PFKFB4: variants seen among roughly 807,000 people sequenced by gnomAD.
PFKFB4 encodes the protein 6-phosphofructo-2-kinase/fructose-2,6-bisphosphatase 4.
A neutral mutation model predicts 62.8 loss-of-function variants in PFKFB4; 42 were observed. That is an observed-to-expected ratio of 0.67 (90% CI 0.52 to 0.86). The LOEUF (loss-of-function observed/expected upper bound fraction) is 0.86, where lower values mean the gene tolerates loss of function less well. PFKFB4 is among the 40% of genes least tolerant of loss of function. The probability of loss-of-function intolerance (pLI) is 0.00; values close to 1 mark genes in which losing one functional copy is unlikely to be tolerated. For synonymous variants in PFKFB4, 204 were observed against 240.7 expected (o/e 0.85, Z 1.41); for missense variants, 475 against 627.2 (o/e 0.76, Z 2.59).
In PFKFB4 at chr3:48,549,950, A is replaced by G. The variant is rs774971526; in HGVS notation, c.225T>C (p.Val75=). The change falls in exon 3 of 14, where the codon GTT becomes GTC. Residue 75 remains valine, a synonymous_variant. Transcript: ENST00000232375. The stretch of plus-strand genomic sequence containing the variant: ...TGACCACGTCCCGGCGATACTGGCC[A>G]ACATTGAACTCTGGAGGGAAGGAGA... ...WIGVPTREFN[V]GQYRRDVVKT... 1.3e-5 allele frequency: 21 copies of G among 1,612,656 alleles called. No homozygotes were observed. Among genetic ancestry groups the G allele is most frequent in the Non-Finnish European group, 1.8e-5 (21 of 1,178,636 alleles).
Position 48,521,866 on chromosome 3 carries a change from G to T in PFKFB4, c.1350+120C>A. ...CCCTGCTGATGGGACAACAGTCTTG[G>T]CAGAAGACTCAAGCTCCCTCTGGCA... On this transcript the variant is annotated intron_variant, in intron 13 of 13. Coordinates refer to ENST00000232375, the MANE Select transcript of PFKFB4 (RefSeq NM_004567.4). This position sits in a 1 kb window ranked among gnomAD's most constrained non-coding sequence, Gnocchi z 5.3. 1 of 858,382 alleles carries T rather than the reference G, an allele frequency of 1.2e-6. No homozygotes were observed. The highest frequency in any genetic ancestry group is 2.0e-6 in the Non-Finnish European group (1 of 505,596). 53.2% of individuals were successfully genotyped at this position (858,382 alleles called of 1,614,324 possible).
chr3:48,543,730 A>G (rs1364176964), intron 3 of PFKFB4, 84 bp from the exon 4 acceptor site: 2 of 1,020,036 alleles, frequency 2.0e-6, no homozygotes, highest in African/African-American at 1.6e-5. Flanking sequence ...AGGAGGAGAC[A>G]TGACAGGAGA....
intron 3 of PFKFB4, among the ~76,000 whole-genome samples, chr3:48,547,206 C>T (rs1179446387): frequency 6.6e-6 from 1 of 152,126 alleles, no homozygotes; most frequent in Non-Finnish European, 1.5e-5. Flanking sequence ...CCTTGAATTA[C>T]GTGTGGCTTA....
intron 3 of PFKFB4, among the ~76,000 whole-genome samples, chr3:48,545,273 A>G (rs2042927191): frequency 6.6e-6 from 1 of 152,066 alleles, no homozygotes. Context: ...CTGGGATTAC[A>G]GGCATGTGCC....
In PFKFB4 at chr3:48,529,348, AG is replaced by A. The variant is rs1343683250; in HGVS notation, c.988-3680del. 2.0e-5 allele frequency among the ~76,000 whole-genome samples: 3 copies of A among 152,246 alleles called. No homozygotes were observed. The East Asian group carries it at 5.8e-4, about 29-fold the overall frequency. ...AATGTTGGAATAGAAGACAAGCCCA[AG>A]GCTGTTTATCAGAAGATAAACATGG... On this transcript the variant is annotated intron_variant, in intron 9 of 13. Coordinates refer to ENST00000232375, the MANE Select transcript of PFKFB4 (RefSeq NM_004567.4).
chr3:48,549,868 T>A lies in PFKFB4; in HGVS notation c.307A>T (p.Arg103Trp). 1 of 1,601,264 alleles carries A rather than the reference T, an allele frequency of 6.2e-7. No homozygotes were observed. The highest frequency in any genetic ancestry group is 8.6e-7 in the Non-Finnish European group (1 of 1,168,256). ...ACACCCAACACATATACTTACTTCC[T>A]GATTTTCAGGCCCTCTTCATTGTCG... ...LPDNEEGLKI[R>W]KQCALAALRD... The change falls in exon 3 of 14, where the codon AGG becomes TGG. Residue 103 changes from arginine (R) to tryptophan (W), a missense_variant. Arg to Trp is a moderately radical substitution (Grantham distance 101). Transcript: ENST00000232375.
chr3:48,549,371 A>C (rs1366759603), intron 3 of PFKFB4, among the ~76,000 whole-genome samples: 1 of 152,088 alleles, frequency 6.6e-6, no homozygotes, highest in African/African-American at 2.4e-5. Context: ...GGGGCAAGGG[A>C]GGAAGCCCCC....
chr3:48,531,674 T>C (rs920189631), intron 9 of PFKFB4, among the ~76,000 whole-genome samples: 1 of 151,800 alleles, frequency 6.6e-6, no homozygotes, highest in Non-Finnish European at 1.5e-5. Flanking sequence ...GTGCCTGTAG[T>C]CCTAGCTACT....
intron 8 of PFKFB4, among the ~76,000 whole-genome samples, chr3:48,535,931 C>A (rs989913845): frequency 6.6e-6 from 1 of 152,216 alleles, no homozygotes; most frequent in African/African-American, 2.4e-5. Context: ...CCCTGTGCTA[C>A]GTGACCACTG....
chr3:48,545,492 G>A (rs983122298), intron 3 of PFKFB4, among the ~76,000 whole-genome samples: 4 of 152,080 alleles, frequency 2.6e-5, no homozygotes, highest in Non-Finnish European at 4.4e-5. Context: ...AAAGTCAAAG[G>A]GCTCTCATCA....
intron 7 of PFKFB4, 53 bp downstream of exon 7, chr3:48,538,445 G>T: frequency 1.2e-6 from 2 of 1,600,668 alleles, no homozygotes; most frequent in South Asian, 2.2e-5. Flanking sequence ...AGCCAAGTAT[G>T]ACCCCTGCCG....
chr3:48,553,739 C>G (rs562621834), intron 1 of PFKFB4, among the ~76,000 whole-genome samples: 1 of 152,304 alleles, frequency 6.6e-6, no homozygotes, highest in East Asian at 1.9e-4. Flanking sequence ...CTCTCACCTC[C>G]TTAGGCCAGG....
intron 9 of PFKFB4, among the ~76,000 whole-genome samples, chr3:48,526,428 T>C (rs2042260564): frequency 1.3e-5 from 2 of 149,892 alleles, no homozygotes; most frequent in African/African-American, 2.5e-5. Flanking sequence ...CAAAAATTAG[T>C]TGGGCGTGGT....
At position 48,536,368 on chromosome 3, in the gene PFKFB4, A is replaced by G; in HGVS notation, c.728T>C (p.Met243Thr). 2 of 1,614,192 alleles carry G rather than the reference A, an allele frequency of 1.2e-6. No individual in the cohort carries two copies. Among genetic ancestry groups the G allele is most frequent in the Non-Finnish European group, 1.7e-6 (2 of 1,180,018 alleles). The change falls in exon 8 of 14, where the codon ATG (methionine) becomes ACG (threonine). Residue 243 changes from methionine to threonine, a missense_variant. Physicochemically the swap from Met to Thr is moderately conservative, Grantham distance 81 (BLOSUM62 -1). Coordinates refer to ENST00000232375, the MANE Select transcript of PFKFB4 (RefSeq NM_004567.4). ...HIQSRIVYYLMNIHVTPRSIY... is the reference protein window; with the variant it reads ...HIQSRIVYYLTNIHVTPRSIY... ...GGAGCGGGGGGTCACGTGGATGTTC[A>G]TGAGGTAATATACGATGCGGCTCTG...
intron 1 of PFKFB4, among the ~76,000 whole-genome samples, chr3:48,553,651 A>T (rs926505474): frequency 1.3e-5 from 2 of 152,182 alleles, no homozygotes; most frequent in African/African-American, 4.8e-5. Context: ...GGCAGTGTCT[A>T]TGTTCCATTA....
At chr3:48,533,837 G>A (rs2042508158) in intron 9 of PFKFB4, among the ~76,000 whole-genome samples, 1 of 152,136 alleles carries the variant, frequency 6.6e-6, no homozygotes. Context: ...CTGGACAACA[G>A]GAGCAAACCT....
At chr3:48,536,170 C>T in intron 8 of PFKFB4, 86 bp downstream of exon 8, 1 of 1,130,710 alleles carries the variant, frequency 8.8e-7, no homozygotes, top group Non-Finnish European at 1.3e-6. Flanking sequence ...GGGAGCCTAG[C>T]CCCAGCGCAC....
chr3:48,538,690 C>A, intron 6 of PFKFB4, 71 bp from the exon 7 acceptor site: 1 of 1,600,818 alleles, frequency 6.2e-7, no homozygotes, highest in Admixed American at 1.7e-5. Flanking sequence ...ACCAAGGAGA[C>A]TGCTGGGCAG....
Position 48,543,612 on chromosome 3 carries a change from G to T in PFKFB4, c.346C>A (p.Arg116=), listed in dbSNP as rs140464894. ...TGTCCCCCCTCCTCACTAAGGAACCGCCGGACGTCACGGAGGGCTGCCAGG... is the reference window on the plus strand; with the variant it reads ...TGTCCCCCCTCCTCACTAAGGAACCTCCGGACGTCACGGAGGGCTGCCAGG... The part of the protein sequence containing the change: ...CALAALRDVR[R]FLSEEGGHVA... The change falls in exon 4 of 14, where the codon CGG becomes AGG. Residue 116 remains arginine, a synonymous_variant. Transcript: ENST00000232375. 6.2e-7 allele frequency: 1 copy of T among 1,612,232 alleles called. No homozygotes were observed. The highest frequency in any genetic ancestry group is 1.1e-5 in the South Asian group (1 of 90,384).
Sources: gnomAD v4.1 joint callset for allele counts (sites outside exome capture counted in the v4.1 genomes callset) on GRCh38, gnomAD v4.1.1 for gene constraint, Gnocchi (gnomAD v3.1) non-coding constraint, MANE v1.5 for transcripts, NCBI Gene and HGNC (gene_info 2026-07-23, HGNC 2026-07-21) for gene names.